The following ATP2B3 variants were observed in gnomAD, a reference collection of about 807,000 sequenced individuals.
ATP2B3 encodes the protein ATPase plasma membrane Ca2+ transporting 3, also known as plasma membrane calcium-transporting ATPase 3.
In ATP2B3, 12 loss-of-function variants were observed where a neutral mutation model predicts 70.8. The ratio of observed to expected loss-of-function variants is 0.17; its 90% confidence interval spans 0.11 to 0.27. ATP2B3 has a LOEUF of 0.27. ATP2B3 is among the 10% of genes least tolerant of loss of function. The pLI is 1.00. For synonymous variants in ATP2B3, 460 were observed against 497.8 expected, an observed-to-expected ratio of 0.92 and a Z score of 1.01; for missense variants, 858 against 1,118.5, an observed-to-expected ratio of 0.77 and a Z score of 3.32.
chrX:153,525,461 A>G (rs1403532478), intron 2 of ATP2B3, among the ~76,000 whole-genome samples: 1 of 111,703 alleles, frequency 9.0e-6, no homozygotes, highest in East Asian at 2.8e-4. Flanking sequence ...GAGTGTGTCC[A>G]GCCCCAATTC....
intron 12 of ATP2B3, among the ~76,000 whole-genome samples, chrX:153,552,590 G>C (rs2090473110): frequency 8.9e-6 from 1 of 112,352 alleles, no homozygotes; most frequent in Admixed American, 9.4e-5. Flanking sequence ...CCACCCGCTT[G>C]CCCTATGAAG....
At chrX:153,565,443 C>T (rs897057115) in intron 21 of ATP2B3, among the ~76,000 whole-genome samples, 5 of 112,934 alleles carry the variant, frequency 4.4e-5, no homozygotes, top group Non-Finnish European at 7.5e-5. Context: ...TTGGTGGGAA[C>T]GGCCCCAGGT....
At chrX:153,540,271 G>A (rs375128474) in intron 3 of ATP2B3, among the ~76,000 whole-genome samples, 1 of 111,950 alleles carries the variant, frequency 8.9e-6, no homozygotes, top group South Asian at 3.8e-4. Context: ...GTGTCTCCCC[G>A]ACCCCTGCGA....
At chrX:153,548,582 TC>T (rs2090406280) in intron 9 of ATP2B3, 57 bp from the exon 10 acceptor site, 1 of 1,025,873 alleles carries the variant, frequency 9.7e-7, no homozygotes, top group African/African-American at 1.9e-5. Context: ...CCTCTTCCTG[TC>T]CCCCTCCTTC....
Position 153,558,206 on chromosome X carries a change from G to A in ATP2B3, c.2528G>A (p.Arg843His). 1.7e-6 allele frequency: 2 copies of A among 1,211,641 alleles called. No individual in the cohort carries two copies. The highest frequency in any genetic ancestry group is 1.7e-5 in the African/African-American group (1 of 57,774). The change falls in exon 17 of 22, where the codon CGT becomes CAT. Residue 843 changes from arginine to histidine, a missense_variant. This residue lies in a region of ATP2B3 where 50 missense variants were observed against 106.7 expected (regional missense o/e 0.47). Transcript: ENST00000263519. ...ATCGTCAAGGCAGTCATGTGGGGCC[G>A]TAACGTCTATGACAGCATCTCCAAG... Reference protein sequence around the residue: ...TSIVKAVMWGRNVYDSISKFL... With the variant: ...TSIVKAVMWGHNVYDSISKFL...
At chrX:153,531,582 G>A (rs966653032) in intron 2 of ATP2B3, among the ~76,000 whole-genome samples, 7 of 112,833 alleles carry the variant, frequency 6.2e-5, no homozygotes, top group South Asian at 3.7e-4. Context: ...GCCCCCAGGC[G>A]TCCACCTCCT....
chrX:153,536,146 A>T lies in ATP2B3; in HGVS notation c.-102A>T. The stretch of plus-strand genomic sequence containing the variant: ...GGTGTCCACGCTTAGCAGCTTTCTC[A>T]CCGCCGCCAAACCTTGCCTGGGCAC... On this transcript the variant is annotated 5_prime_UTR_variant, in exon 3 of 22. Coordinates refer to ENST00000263519, the MANE Select transcript of ATP2B3 (RefSeq NM_001001344.3). The T allele has an allele frequency of 2.1e-6, 2 of 962,319 alleles. No individual in the cohort carries two copies. The highest frequency in any genetic ancestry group is 2.9e-6 in the Non-Finnish European group (2 of 687,440). 79.3% of individuals were successfully genotyped at this position (962,319 alleles called of 1,213,427 possible).
chrX:153,576,141 T>C (rs1557021336), intron 21 of ATP2B3, among the ~76,000 whole-genome samples: 1 of 111,469 alleles, frequency 9.0e-6, no homozygotes, highest in African/African-American at 3.3e-5. Flanking sequence ...GCCAGTTCCA[T>C]CGCCTACTGG....
At chrX:153,542,980 G>A (rs782307131) in intron 6 of ATP2B3, 63 bp from the exon 7 acceptor site, 195 of 1,165,843 alleles carry the variant, frequency 1.7e-4, no homozygotes, top group Admixed American at 1.4e-3. Flanking sequence ...GGTTGTGGGC[G>A]CTGAATGTGT....
rs1557017728 is a variant in ATP2B3, at chrX:153,565,078, G to A, written c.3317G>A (p.Arg1106Gln). 4 of 1,191,692 alleles carry A rather than the reference G, an allele frequency of 3.4e-6. No homozygotes were observed. Among genetic ancestry groups the A allele is most frequent in the African/African-American group, 1.7e-5 (1 of 57,196 alleles). The change falls in exon 21 of 22, where the codon CGG becomes CAG. Residue 1106 changes from arginine to glutamine, a missense_variant. Coordinates refer to ENST00000263519, the MANE Select transcript of ATP2B3 (RefSeq NM_001001344.3). Reference sequence around the variant, plus strand: ...CGCAGGGGCCAGATCCTCTGGTTCCGGGGCCTGAACCGGATTCAGACGCAG... The same window carrying A: ...CGCAGGGGCCAGATCCTCTGGTTCCAGGGCCTGAACCGGATTCAGACGCAG... ...ELRRGQILWF[R>Q]GLNRIQTQIR...
At chrX:153,524,365 G>T (rs2090000851) in intron 2 of ATP2B3, among the ~76,000 whole-genome samples, 1 of 111,238 alleles carries the variant, frequency 9.0e-6, no homozygotes, top group Non-Finnish European at 1.9e-5. Flanking sequence ...CCAGTTTGCA[G>T]GCCACATAGT....
chrX:153,573,552 C>A (rs926147518), intron 21 of ATP2B3, among the ~76,000 whole-genome samples: 1 of 113,056 alleles, frequency 8.8e-6, no homozygotes, highest in African/African-American at 3.2e-5. Flanking sequence ...GGCCCTACCA[C>A]AGGGGAATGC....
At chrX:153,542,056 C>T (rs1557006831) in intron 5 of ATP2B3, 130 bp downstream of exon 5, 6 of 127,677 alleles carry the variant, frequency 4.7e-5, no homozygotes, top group South Asian at 1.1e-4. Context: ...CCTTAGGAGG[C>T]GGGAGGTGGC....
At chrX:153,558,528 G>C (rs1209274290) in intron 17 of ATP2B3, among the ~76,000 whole-genome samples, 2 of 112,442 alleles carry the variant, frequency 1.8e-5, no homozygotes, top group Non-Finnish European at 3.8e-5. Context: ...CCAGAAGATT[G>C]TCATCATCTT....
At chrX:153,578,372 T>C (rs2090882546) in intron 21 of ATP2B3, among the ~76,000 whole-genome samples, 1 of 112,506 alleles carries the variant, frequency 8.9e-6, no homozygotes, top group South Asian at 3.6e-4. Context: ...CTGCCCCCTA[T>C]AGGGATGGCA....
intron 3 of ATP2B3, among the ~76,000 whole-genome samples, 199 bp from the exon 4 acceptor site, chrX:153,541,160 C>T (rs903471337): frequency 8.9e-6 from 1 of 112,481 alleles, no homozygotes; most frequent in Non-Finnish European, 1.9e-5. Flanking sequence ...GAGCCGCATG[C>T]TCACTCCCAC....
chrX:153,558,486 C>A (rs782046869), intron 17 of ATP2B3, among the ~76,000 whole-genome samples, 183 bp downstream of exon 17: 2 of 112,678 alleles, frequency 1.8e-5, no homozygotes, highest in East Asian at 5.6e-4. Context: ...AGGACATTCA[C>A]CACGTTGTGC....
chrX:153,546,573 G>A (rs902582979), intron 8 of ATP2B3, among the ~76,000 whole-genome samples: 13 of 113,324 alleles, frequency 1.1e-4, no homozygotes, highest in Admixed American at 9.2e-4. Flanking sequence ...CCAGAGGCCC[G>A]GCTCTCCTCT....
At position 153,547,986 on chromosome X, in the gene ATP2B3, G is replaced by T; in HGVS notation, c.1110G>T (p.Gln370His). Residue 370 changes from glutamine (Q) to histidine (H), a missense_variant, in exon 9 of 22, where the codon CAG (glutamine) becomes CAT (histidine). Gln to His is a conservative substitution (Grantham distance 24, BLOSUM62 0). Around this residue, in one of 5 missense-constraint regions of ATP2B3, gnomAD observed 278 missense variants for 366.2 expected, o/e 0.76. Transcript: ENST00000263519. ...GGAAGCTCACAAAGCTAGCCGTGCA[G>T]ATCGGGAAAGCAGGTAGGGACAGCA... Reference protein sequence around the residue: ...LQGKLTKLAVQIGKAGLVMSA... With the variant: ...LQGKLTKLAVHIGKAGLVMSA... 1 of 1,204,413 alleles carries T rather than the reference G, an allele frequency of 8.3e-7. No individual in the cohort carries two copies.
Sources: allele counts gnomAD v4.1 joint callset (sites outside exome capture counted in the v4.1 genomes callset), GRCh38; gene constraint gnomAD v4.1.1; regional missense constraint gnomAD v4.1.1; transcripts MANE v1.5; gene names NCBI Gene and HGNC (gene_info 2026-07-23, HGNC 2026-07-21).